PPP2R2B: variants seen among roughly 807,000 people sequenced by gnomAD.
PPP2R2B encodes serine/threonine-protein phosphatase 2A 55 kDa regulatory subunit B beta isoform.
PPP2R2B carries 5 observed loss-of-function variants against 46.0 expected under a neutral mutation model. That is an observed-to-expected ratio of 0.11 (90% CI 0.06 to 0.23). PPP2R2B has a LOEUF of 0.23. Ranked by LOEUF, PPP2R2B falls within the 10% of genes least tolerant of loss-of-function variation. The pLI, the probability that PPP2R2B is intolerant of heterozygous loss-of-function variation, is 1.00. For missense variants in PPP2R2B, 367 were observed against 575.0 expected, an observed-to-expected ratio of 0.64 and a Z score of 3.70; for synonymous variants, 215 against 206.7, an observed-to-expected ratio of 1.04 and a Z score of -0.34.
chr5:146,736,237 C>A (rs1158196780), intron 2 of PPP2R2B, among the ~76,000 whole-genome samples: 1 of 152,172 alleles, frequency 6.6e-6, no homozygotes, highest in African/African-American at 2.4e-5. Context: ...GCCTCCCCAG[C>A]CATACTGAAC....
At chr5:146,893,489 C>A (rs1762551055) in intron 1 of PPP2R2B, among the ~76,000 whole-genome samples, 1 of 152,148 alleles carries the variant, frequency 6.6e-6, no homozygotes, top group South Asian at 2.1e-4. Flanking sequence ...AGTCAGGTGT[C>A]ATGTCCTATA....
chr5:147,016,518 C>T (rs2151882022), intron 1 of PPP2R2B, among the ~76,000 whole-genome samples: 1 of 9,584 alleles, frequency 1.0e-4, no homozygotes, highest in East Asian at 9.6e-4. Context: ...AAAATATCCA[C>T]CTAAGCTTTT....
exon 2 of PPP2R2B, chr5:147,081,097 C>G: frequency 6.5e-7 from 1 of 1,535,642 alleles, no homozygotes; most frequent in South Asian, 1.2e-5. Flanking sequence ...TTTCACTTGG[C>G]TGAAGCACCA....
chr5:146,818,480 G>A (rs1242809205), intron 2 of PPP2R2B, among the ~76,000 whole-genome samples: 4 of 151,824 alleles, frequency 2.6e-5, no homozygotes, highest in Admixed American at 1.3e-4. Flanking sequence ...CCCCATCCCT[G>A]CCCCAAGATT....
chr5:147,041,061 T>C (rs1181697434), intron 1 of PPP2R2B, among the ~76,000 whole-genome samples: 1 of 152,124 alleles, frequency 6.6e-6, no homozygotes, highest in Non-Finnish European at 1.5e-5. Context: ...TGCATGTAAG[T>C]ACAGAGGCCA....
chr5:146,993,539 G>T (rs1367427938), intron 1 of PPP2R2B, among the ~76,000 whole-genome samples: 1 of 152,214 alleles, frequency 6.6e-6, no homozygotes, highest in East Asian at 1.9e-4. Flanking sequence ...ACTGCACCCA[G>T]CTGGTGATAG....
intron 1 of PPP2R2B, among the ~76,000 whole-genome samples, chr5:147,043,064 G>A (rs1217396664): frequency 1.3e-5 from 2 of 152,132 alleles, no homozygotes; most frequent in Non-Finnish European, 2.9e-5. Flanking sequence ...AGTCTGGATT[G>A]TGGAACAATG....
chr5:146,620,635 C>T (rs943277198), intron 7 of PPP2R2B, among the ~76,000 whole-genome samples: 1 of 152,146 alleles, frequency 6.6e-6, no homozygotes, highest in African/African-American at 2.4e-5. Context: ...TTCCTACAGC[C>T]AGTGGGCTCC....
intron 2 of PPP2R2B, among the ~76,000 whole-genome samples, chr5:146,854,105 C>A (rs545865708): frequency 6.9e-4 from 105 of 152,138 alleles, no homozygotes; most frequent in African/African-American, 2.5e-3. Flanking sequence ...ATAGTAAGTG[C>A]ACAATAAATA....
chr5:147,015,700 C>A (rs1242533071), intron 1 of PPP2R2B, among the ~76,000 whole-genome samples: 1 of 151,030 alleles, frequency 6.6e-6, no homozygotes, highest in East Asian at 2.1e-4. Context: ...ACTCTTGAAT[C>A]TTTATTCTCT....
At chr5:146,875,977 G>A (rs1302800444) in intron 2 of PPP2R2B, among the ~76,000 whole-genome samples, 1 of 152,114 alleles carries the variant, frequency 6.6e-6, no homozygotes, top group Non-Finnish European at 1.5e-5. Flanking sequence ...CCAACTTCTG[G>A]TATTTACATC....
intron 1 of PPP2R2B, among the ~76,000 whole-genome samples, chr5:146,984,609 T>C (rs1263947415): frequency 1.3e-5 from 2 of 152,192 alleles, no homozygotes; most frequent in Non-Finnish European, 2.9e-5. Context: ...AGAAGTGGGA[T>C]TGCTGAATCA....
At chr5:147,027,048 T>C (rs116495899) in intron 1 of PPP2R2B, among the ~76,000 whole-genome samples, 2,556 of 152,110 alleles carry the variant, frequency 0.017, 79 homozygotes, top group African/African-American at 0.058. Flanking sequence ...TATCATCAAG[T>C]AAAAGAATAA....
At chr5:146,827,324 T>C (rs554635336) in intron 2 of PPP2R2B, among the ~76,000 whole-genome samples, 6 of 152,200 alleles carry the variant, frequency 3.9e-5, no homozygotes, top group Admixed American at 6.5e-5. Context: ...TTTGTGTTTG[T>C]AAATTCTGTT....
intron 2 of PPP2R2B, among the ~76,000 whole-genome samples, chr5:146,738,413 A>G (rs1475079568): frequency 1.3e-5 from 2 of 151,846 alleles, no homozygotes; most frequent in Non-Finnish European, 2.9e-5. Context: ...AAAAAAAAAA[A>G]AAAATCTTAG....
At chr5:146,804,407 C>A (rs1757049187) in intron 2 of PPP2R2B, among the ~76,000 whole-genome samples, 1 of 152,096 alleles carries the variant, frequency 6.6e-6, no homozygotes, top group Non-Finnish European at 1.5e-5. Flanking sequence ...GACTGGAACC[C>A]AAGGCCATCT....
At chr5:146,636,717 T>C (rs1265686604) in intron 7 of PPP2R2B, among the ~76,000 whole-genome samples, 1 of 152,238 alleles carries the variant, frequency 6.6e-6, no homozygotes, top group African/African-American at 2.4e-5. Flanking sequence ...CATGAATACA[T>C]GACAGCATAA....
intron 9 of PPP2R2B, chr5:146,591,917 T>C (rs902245736): frequency 9.8e-6 from 2 of 204,556 alleles, no homozygotes; most frequent in Admixed American, 5.4e-5. Flanking sequence ...TTAAATAAAA[T>C]GATGTGTACG....
intron 1 of PPP2R2B, among the ~76,000 whole-genome samples, chr5:147,017,380 C>T (rs941307558): frequency 2.6e-5 from 4 of 151,556 alleles, no homozygotes; most frequent in Non-Finnish European, 5.9e-5. Context: ...CACACTGGAA[C>T]GTCTGTGCTT....
Sources: allele counts gnomAD v4.1 joint callset (sites outside exome capture counted in the v4.1 genomes callset), GRCh38; gene constraint gnomAD v4.1.1; transcripts MANE v1.5; gene names NCBI Gene and HGNC (gene_info 2026-07-23, HGNC 2026-07-21).